The following MICU3 variants were observed in gnomAD, a reference collection of about 807,000 sequenced individuals.
MICU3 encodes the protein calcium uptake protein 3, mitochondrial.
In MICU3, 62 loss-of-function variants were observed where a neutral mutation model predicts 66.5. The observed-to-expected ratio is 0.93, with a 90% CI of 0.76 to 1.15. MICU3 has a LOEUF of 1.15. Among genes scored for constraint, MICU3 ranks in the 50% most tolerant of loss-of-function variants. The pLI, the probability that MICU3 is intolerant of heterozygous loss-of-function variation, is 0.00. For synonymous variants in MICU3, 308 were observed against 240.7 expected, an observed-to-expected ratio of 1.28 and a Z score of -2.59; for missense variants, 779 against 664.4, an observed-to-expected ratio of 1.17 and a Z score of -1.90.
intron 4 of MICU3, 127 bp downstream of exon 4, chr8:17,077,988 A>C (rs971952623): frequency 4.1e-6 from 2 of 482,010 alleles, no homozygotes; most frequent in Non-Finnish European, 3.5e-6. Context: ...GAAAAAACTG[A>C]AGAAGAAAAC....
chr8:17,038,353 T>C (rs1027440516), intron 1 of MICU3, among the ~76,000 whole-genome samples: 2 of 152,172 alleles, frequency 1.3e-5, no homozygotes, highest in Non-Finnish European at 2.9e-5. Flanking sequence ...CTGATGGTTT[T>C]ATAAAGGAGA....
chr8:17,114,280 A>T, intron 12 of MICU3, 79 bp downstream of exon 12: 1 of 831,556 alleles, frequency 1.2e-6, no homozygotes, highest in Non-Finnish European at 2.0e-6. Flanking sequence ...CAATTAATTA[A>T]ATATGACATA....
At chr8:17,116,001 C>G (rs577251944) in intron 12 of MICU3, among the ~76,000 whole-genome samples, 1 of 152,336 alleles carries the variant, frequency 6.6e-6, no homozygotes, top group East Asian at 1.9e-4. Context: ...CACTGCCTTT[C>G]TCTCCCTTCT....
At chr8:17,103,420 C>T (rs548253052) in intron 9 of MICU3, among the ~76,000 whole-genome samples, 10 of 151,906 alleles carry the variant, frequency 6.6e-5, no homozygotes, top group South Asian at 2.1e-4. Context: ...AAGCTAAAAA[C>T]GATGTGCCTA....
chr8:17,119,567 A>AGATG (rs1803030238), intron 14 of MICU3, among the ~76,000 whole-genome samples: 1 of 152,054 alleles, frequency 6.6e-6, no homozygotes, highest in Admixed American at 6.6e-5. Flanking sequence ...ATAGATAGAT[A>AGATG]GATAGATAGA....
chr8:17,133,803 A>T, the MICU3 span, among the ~76,000 whole-genome samples: 1 of 152,200 alleles, frequency 6.6e-6, no homozygotes, highest in Non-Finnish European at 1.5e-5. Context: ...TTAAATATTT[A>T]AAAAGATTTT....
chr8:17,112,798 C>G (rs565148204), intron 11 of MICU3, among the ~76,000 whole-genome samples: 33 of 152,338 alleles, frequency 2.2e-4, no homozygotes, highest in Non-Finnish European at 1.3e-4. Context: ...CACTCAGACA[C>G]TGCTGTTATG....
chr8:17,049,565 TA>T, intron 1 of MICU3: 1 of 516,952 alleles, frequency 1.9e-6, no homozygotes. Flanking sequence ...AAAGTTAAGT[TA>T]TTTTTCCCAA....
chr8:17,128,357 AG>A, the MICU3 span, among the ~76,000 whole-genome samples: 1 of 152,328 alleles, frequency 6.6e-6, no homozygotes, highest in South Asian at 2.1e-4. Flanking sequence ...ATCCAGATAA[AG>A]GTAGCCACTA....
intron 4 of MICU3, among the ~76,000 whole-genome samples, chr8:17,080,531 C>T (rs1489286867): frequency 6.6e-6 from 1 of 152,064 alleles, no homozygotes; most frequent in Non-Finnish European, 1.5e-5. Flanking sequence ...TTCCTTTTCT[C>T]GCCCCTTCTT....
intron 14 of MICU3, among the ~76,000 whole-genome samples, chr8:17,119,403 C>T (rs1041939001): frequency 9.9e-5 from 15 of 151,836 alleles, no homozygotes; most frequent in African/African-American, 2.4e-4. Context: ...TCAACTGTAG[C>T]GATAAAATTT....
rs996846253 is a variant in MICU3, at chr8:17,042,931, ATTTTTTTTTTTT to A, written c.381+15286_381+15297del. Among the ~76,000 whole-genome samples the A allele has an allele frequency of 2.5e-3, 203 of 82,156 alleles. 2 individuals carry two copies. The highest frequency in any genetic ancestry group is 0.011 in the African/African-American group (192 of 17,330). The allele number at this position is 82,156 out of a possible 152,430, so 53.9% of individuals were successfully genotyped here. ...AAACTGCTTGTAGCAATTCAAAGTG[ATTTTTTTTTTTT>A]TTTTTTTTTTTTTTGAGACGGAGTC... On this transcript the variant is annotated intron_variant, in intron 1 of 14. Coordinates refer to ENST00000318063, the MANE Select transcript of MICU3 (RefSeq NM_181723.3).
chr8:17,059,395 G>A (rs1020748265), intron 1 of MICU3, among the ~76,000 whole-genome samples: 87 of 152,146 alleles, frequency 5.7e-4, no homozygotes, highest in African/African-American at 2.0e-3. Context: ...ACTAACAGCA[G>A]CCATTGCTTT....
At chr8:17,054,643 G>A (rs969413803) in intron 1 of MICU3, among the ~76,000 whole-genome samples, 2 of 151,962 alleles carry the variant, frequency 1.3e-5, no homozygotes, top group Admixed American at 6.6e-5. Flanking sequence ...GGTTTGTGGA[G>A]GCAGAGCAAA....
At chr8:17,056,223 C>T (rs1175503318) in intron 1 of MICU3, among the ~76,000 whole-genome samples, 1 of 152,202 alleles carries the variant, frequency 6.6e-6, no homozygotes, top group African/African-American at 2.4e-5. Context: ...TGAATGGAGG[C>T]TCCTCTTATC....
intron 12 of MICU3, 102 bp from the exon 13 acceptor site, chr8:17,116,341 A>T: frequency 1.4e-6 from 1 of 704,420 alleles, no homozygotes. Flanking sequence ...TAAGATCATG[A>T]TTCACATTTA....
At chr8:17,108,597 T>C (rs1307527813) in intron 11 of MICU3, among the ~76,000 whole-genome samples, 1 of 152,150 alleles carries the variant, frequency 6.6e-6, no homozygotes, top group East Asian at 1.9e-4. Flanking sequence ...GAAATCCTAT[T>C]GATACTACCT....
chr8:17,049,123 G>T (rs1047425133), intron 1 of MICU3, among the ~76,000 whole-genome samples: 2 of 152,126 alleles, frequency 1.3e-5, no homozygotes, highest in Middle Eastern at 3.4e-3. Context: ...TTTTCTCTTC[G>T]ATGATGAGAC....
chr8:17,045,957 T>C (rs1814999275), intron 1 of MICU3, among the ~76,000 whole-genome samples: 1 of 152,210 alleles, frequency 6.6e-6, no homozygotes, highest in South Asian at 2.1e-4. Flanking sequence ...GTGGGAATTA[T>C]GGTAGCTACA....
Sources: allele counts gnomAD v4.1 joint callset (sites outside exome capture counted in the v4.1 genomes callset), GRCh38; gene constraint gnomAD v4.1.1; transcripts MANE v1.5; gene names NCBI Gene and HGNC (gene_info 2026-07-23, HGNC 2026-07-21).